The following ZFHX3 variants were observed in gnomAD, a reference collection of about 807,000 sequenced individuals.
ZFHX3 encodes the protein zinc finger homeobox protein 3.
In ZFHX3, 42 loss-of-function variants were observed where a neutral mutation model predicts 279.1. The ratio of observed to expected loss-of-function variants is 0.15; its 90% CI spans 0.12 to 0.19. The LOEUF is 0.19. Ranked by LOEUF, ZFHX3 falls within the 10% of genes least tolerant of loss-of-function variation. The pLI is 1.00. For missense variants in ZFHX3, 4,981 were observed against 4,754.0 expected, an observed-to-expected ratio of 1.05 and a Z score of -1.40; for synonymous variants, 2,293 against 1,957.8, an observed-to-expected ratio of 1.17 and a Z score of -4.52.
At chr16:72,883,325 T>C (rs1218842164) in intron 4 of ZFHX3, among the ~76,000 whole-genome samples, 4 of 151,982 alleles carry the variant, frequency 2.6e-5, no homozygotes, top group East Asian at 1.9e-4. Flanking sequence ...TATTGGCAAA[T>C]AAAAAACATC....
chr16:72,859,417 G>A (rs74770517), intron 4 of ZFHX3, among the ~76,000 whole-genome samples: 9,586 of 152,142 alleles, frequency 0.063, 771 homozygotes, highest in African/African-American at 0.18. Flanking sequence ...AGGCCGCAAG[G>A]GGGCAAGAGA....
chr16:73,058,919 G>T, exon 1 of ZFHX3: 1 of 154,220 alleles, frequency 6.5e-6, no homozygotes, highest in Non-Finnish European at 1.4e-5. Flanking sequence ...ATGCAAAGCA[G>T]GCGGCGGCGG....
chr16:72,800,982 C>T (rs1597248666), intron 7 of ZFHX3, among the ~76,000 whole-genome samples: 2 of 152,210 alleles, frequency 1.3e-5, no homozygotes, highest in African/African-American at 2.4e-5. Context: ...GCCTCCCTGC[C>T]GTACGGCCAG....
intron 5 of ZFHX3, among the ~76,000 whole-genome samples, chr16:73,154,540 G>T (rs889449294): frequency 6.6e-6 from 1 of 152,164 alleles, no homozygotes; most frequent in African/African-American, 2.4e-5. Context: ...TGACTTGGGG[G>T]TGGGCGGCTT....
At chr16:73,576,951 T>C (rs910434720) in intron 2 of ZFHX3, among the ~76,000 whole-genome samples, 1 of 152,150 alleles carries the variant, frequency 6.6e-6, no homozygotes, top group South Asian at 2.1e-4. Flanking sequence ...GCAGATTCAA[T>C]CCATGGGATC....
chr16:73,710,620 C>G (rs975744633), intron 1 of ZFHX3, among the ~76,000 whole-genome samples: 1 of 152,112 alleles, frequency 6.6e-6, no homozygotes, highest in African/African-American at 2.4e-5. Context: ...AGAGAGAGAC[C>G]CACACCTGGC....
intron 5 of ZFHX3, among the ~76,000 whole-genome samples, chr16:72,823,992 T>C (rs2036867897): frequency 6.6e-6 from 1 of 152,196 alleles, no homozygotes; most frequent in Non-Finnish European, 1.5e-5. Context: ...CCATTCTTTG[T>C]CACAGATTAT....
At chr16:73,653,316 C>A (rs187958284) in intron 2 of ZFHX3, among the ~76,000 whole-genome samples, 3 of 152,114 alleles carry the variant, frequency 2.0e-5, no homozygotes, top group African/African-American at 4.8e-5. Context: ...AGAACACTTA[C>A]AAAAATTCAC....
At chr16:73,512,272 CAAAAAAAAAAAAA>C (rs3087038) in intron 2 of ZFHX3, among the ~76,000 whole-genome samples, 1 of 87,868 alleles carries the variant, frequency 1.1e-5, no homozygotes, top group Non-Finnish European at 2.2e-5. Flanking sequence ...CACTAAAATA[CAAAAAAAAAAAAA>C]AAAAAAAAAA....
intron 3 of ZFHX3, among the ~76,000 whole-genome samples, chr16:73,364,522 A>T (rs2016495254): frequency 6.6e-6 from 1 of 152,200 alleles, no homozygotes; most frequent in Admixed American, 6.5e-5. Flanking sequence ...TACTAAGCAA[A>T]TAATTACAAA....
At position 72,981,418 on chromosome 16, in the gene ZFHX3, G is replaced by A. The variant is rs1469236629; in HGVS notation, c.-49-21224C>T. ...GTCTGATTAAGAAGAATATACATCC[G>A]TTGAATTAAAAGCCTCCACTTCTTG... On this transcript the variant is annotated intron_variant, in intron 1 of 9. Coordinates refer to ENST00000268489, the MANE Select transcript of ZFHX3 (RefSeq NM_006885.4). Among the ~76,000 whole-genome samples the A allele has an allele frequency of 5.3e-5, 8 of 152,288 alleles. No individual in the cohort carries two copies. The East Asian group carries it at 1.4e-3, about 26-fold the overall frequency.
chr16:72,923,652 A>T (rs1959267142), intron 3 of ZFHX3, among the ~76,000 whole-genome samples: 1 of 152,100 alleles, frequency 6.6e-6, no homozygotes, highest in African/African-American at 2.4e-5. Flanking sequence ...GCACCCAGGA[A>T]TTAAGACCAT....
intron 3 of ZFHX3, among the ~76,000 whole-genome samples, chr16:73,409,186 G>A (rs906521011): frequency 1.1e-4 from 17 of 152,168 alleles, no homozygotes; most frequent in South Asian, 2.1e-4. Context: ...GTACAGCATT[G>A]CAGAGAATAA....
intron 2 of ZFHX3, among the ~76,000 whole-genome samples, chr16:73,571,288 T>C (rs2051731786): frequency 6.6e-6 from 1 of 151,484 alleles, no homozygotes; most frequent in Non-Finnish European, 1.5e-5. Context: ...CCATCAAAGA[T>C]AATCTAAGCT....
intron 5 of ZFHX3, among the ~76,000 whole-genome samples, chr16:73,213,581 T>G (rs1415459577): frequency 6.6e-6 from 1 of 152,222 alleles, no homozygotes; most frequent in Non-Finnish European, 1.5e-5. Context: ...TCTTTTGTTT[T>G]CTAATACTTG....
intron 5 of ZFHX3, among the ~76,000 whole-genome samples, chr16:73,181,851 G>A (rs1967803049): frequency 6.6e-6 from 1 of 152,162 alleles, no homozygotes; most frequent in Non-Finnish European, 1.5e-5. Flanking sequence ...GCTGAAAGCA[G>A]CTGATGTTCT....
At chr16:73,833,950 G>A (rs796900929) in intron 1 of ZFHX3, among the ~76,000 whole-genome samples, 15 of 151,892 alleles carry the variant, frequency 9.9e-5, no homozygotes, top group African/African-American at 3.1e-4. Context: ...TAAACGACAA[G>A]GGTGGTATGT....
intron 1 of ZFHX3, among the ~76,000 whole-genome samples, chr16:72,972,531 C>T (rs1490033848): frequency 2.0e-5 from 3 of 152,132 alleles, no homozygotes; most frequent in African/African-American, 7.2e-5. Context: ...GCAGTGGAAC[C>T]AACTATGCGG....
intron 2 of ZFHX3, among the ~76,000 whole-genome samples, chr16:73,508,563 G>A (rs1249925984): frequency 2.0e-5 from 3 of 152,186 alleles, no homozygotes; most frequent in African/African-American, 7.2e-5. Flanking sequence ...CAAATCTTTT[G>A]TGTGATCACA....
Sources: allele counts gnomAD v4.1 joint callset (sites outside exome capture counted in the v4.1 genomes callset), GRCh38; gene constraint gnomAD v4.1.1; transcripts MANE v1.5; gene names NCBI Gene and HGNC (gene_info 2026-07-23, HGNC 2026-07-21).